Variants in ALMS1 observed in about 807,000 individuals in gnomAD.
The protein encoded by ALMS1 is ALMS1 centrosome and basal body associated protein, also known as centrosome-associated protein ALMS1.
A neutral mutation model predicts 352.2 loss-of-function variants in ALMS1; 271 were observed. The observed-to-expected ratio is 0.77, with a 90% CI of 0.70 to 0.85. The LOEUF is 0.85. ALMS1 is among the 40% of genes least tolerant of loss of function. The pLI, the probability that ALMS1 is intolerant of heterozygous loss-of-function variation, is 0.00. For synonymous variants in ALMS1, 1,865 were observed against 1,761.2 expected, an observed-to-expected ratio of 1.06 and a Z score of -1.48; for missense variants, 5,445 against 4,870.7, an observed-to-expected ratio of 1.12 and a Z score of -3.51.
chr2:73,533,702 A>G (rs945801963), intron 11 of ALMS1, among the ~76,000 whole-genome samples: 1 of 152,220 alleles, frequency 6.6e-6, no homozygotes, highest in Non-Finnish European at 1.5e-5. Flanking sequence ...CATGAAAGAA[A>G]AACTAGTATA....
chr2:73,390,129 G>C (rs1670613253), intron 1 of ALMS1, among the ~76,000 whole-genome samples: 1 of 151,900 alleles, frequency 6.6e-6, no homozygotes, highest in Non-Finnish European at 1.5e-5. Flanking sequence ...ATAATATATA[G>C]AATATATAGA....
chr2:73,391,294 C>CCTTTTTTTTT (rs1670639981), intron 1 of ALMS1, among the ~76,000 whole-genome samples: 1 of 114,990 alleles, frequency 8.7e-6, no homozygotes, highest in Non-Finnish European at 1.7e-5. Context: ...ACGTTTTATT[C>CCTTTTTTTTT]TTTTTTTTTT....
chr2:73,550,391 G>A lies in ALMS1; in HGVS notation c.10032G>A (p.Lys3344=). The A allele has an allele frequency of 6.2e-7, 1 of 1,614,182 alleles. No individual in the cohort carries two copies. The highest frequency in any genetic ancestry group is 8.5e-7 in the Non-Finnish European group (1 of 1,180,026). The part of the protein sequence containing the change: ...EGIYSKRVVT[K]ASLPVGEKPL... ...TCTACAGTAAGAGGGTAGTGACTAAGGCATCCTTGCCAGTGGGAGAAAAAC... is the reference window on the plus strand; with the variant it reads ...TCTACAGTAAGAGGGTAGTGACTAAAGCATCCTTGCCAGTGGGAGAAAAAC... Residue 3344 remains lysine (K), a synonymous_variant, in exon 13 of 23, where the codon AAG becomes AAA. Coordinates refer to ENST00000613296, the MANE Select transcript of ALMS1 (RefSeq NM_001378454.1).
chr2:73,407,528 G>A (rs1005726906), intron 1 of ALMS1, among the ~76,000 whole-genome samples: 1 of 152,080 alleles, frequency 6.6e-6, no homozygotes, highest in Non-Finnish European at 1.5e-5. Context: ...TTTTATATTT[G>A]TCCATATATT....
intron 7 of ALMS1, among the ~76,000 whole-genome samples, chr2:73,443,667 C>G (rs1415640137): frequency 6.6e-6 from 1 of 151,978 alleles, no homozygotes; most frequent in Admixed American, 6.6e-5. Context: ...ATTTTTGCAC[C>G]TGGCTGTGAA....
At position 73,539,141 on chromosome 2, in the gene ALMS1, G is replaced by A. The variant is rs185452101; in HGVS notation, c.9907+4192G>A. On this transcript the variant is annotated intron_variant, in intron 12 of 22. Transcript: ENST00000613296. ...TAACTGGGAGGCACCCCCCAGGAGG[G>A]GCAGACTGACACTTCACACGGCCGG... Among the ~76,000 whole-genome samples the A allele has an allele frequency of 3.5e-4, 53 of 152,284 alleles. No homozygotes were observed. The East Asian group carries it at 9.8e-3, about 28-fold the overall frequency.
chr2:73,415,729 T>G (rs1010305828), intron 2 of ALMS1, among the ~76,000 whole-genome samples: 2 of 152,166 alleles, frequency 1.3e-5, no homozygotes, highest in African/African-American at 4.8e-5. Flanking sequence ...GAGTGTGATT[T>G]CTCCAGCAAC....
chr2:73,536,903 A>G (rs1000558366), intron 12 of ALMS1, among the ~76,000 whole-genome samples: 7 of 152,238 alleles, frequency 4.6e-5, no homozygotes, highest in Non-Finnish European at 2.9e-5. Flanking sequence ...TTAGCATTTT[A>G]ACTTGCCCTA....
At chr2:73,487,237 A>G (rs570491372) in intron 9 of ALMS1, among the ~76,000 whole-genome samples, 1 of 152,316 alleles carries the variant, frequency 6.6e-6, no homozygotes, top group East Asian at 1.9e-4. Flanking sequence ...TACACCTGCC[A>G]AGCATGAGCC....
chr2:73,604,060 A>C (rs1451689510), intron 21 of ALMS1: 1 of 152,252 alleles, frequency 6.6e-6, no homozygotes, highest in African/African-American at 2.4e-5. Flanking sequence ...TGTGGTCTTT[A>C]AAAATAAGTA....
chr2:73,448,397 C>G lies in ALMS1; in HGVS notation c.1870C>G (p.His624Asp). The change falls in exon 8 of 23, where the codon CAT (histidine) becomes GAT (aspartate). Residue 624 changes from histidine to aspartate, a missense_variant. By Grantham distance (81) the His-to-Asp change is moderately conservative (BLOSUM62 -1). Coordinates refer to ENST00000613296, the MANE Select transcript of ALMS1 (RefSeq NM_001378454.1). Reference sequence around the variant, plus strand: ...AACTCTAACCTCTACTTCCTACTCACATAGAGAGAAGCCTGGTACTTTTTA... The same window carrying G: ...AACTCTAACCTCTACTTCCTACTCAGATAGAGAGAAGCCTGGTACTTTTTA... ...MSTLTSTSYS[H>D]REKPGTFYQQ... 1 of 1,614,068 alleles carries G rather than the reference C, an allele frequency of 6.2e-7. No individual in the cohort carries two copies. The highest frequency in any genetic ancestry group is 8.5e-7 in the Non-Finnish European group (1 of 1,179,936).
In ALMS1 at chr2:73,607,048, A is replaced by G. The variant is rs138690371; in HGVS notation, c.12363-1427A>G. Among the ~76,000 whole-genome samples the G allele has an allele frequency of 1.8e-3, 273 of 152,344 alleles. 3 individuals are homozygous for G. Among genetic ancestry groups the G allele is most frequent in the African/African-American group, 6.2e-3 (258 of 41,582 alleles). ...ATAGAAAACTTTAGGAAATATAGAG[A>G]AAAGTAGAAAAAAGAAAATGAATAT... On this transcript the variant is annotated intron_variant, in intron 21 of 22. Coordinates refer to ENST00000613296, the MANE Select transcript of ALMS1 (RefSeq NM_001378454.1).
At chr2:73,511,848 A>C (rs1572985674) in intron 10 of ALMS1, among the ~76,000 whole-genome samples, 1 of 152,182 alleles carries the variant, frequency 6.6e-6, no homozygotes, top group Admixed American at 6.5e-5. Flanking sequence ...TCCACAACAA[A>C]GAATTGTTTC....
intron 16 of ALMS1, among the ~76,000 whole-genome samples, chr2:73,583,894 T>G (rs963787497): frequency 3.9e-5 from 6 of 152,246 alleles, no homozygotes; most frequent in African/African-American, 1.4e-4. Context: ...TCTGGTAATA[T>G]GTTTTCAAAT....
chr2:73,416,198 C>G (rs1204421984), intron 2 of ALMS1, among the ~76,000 whole-genome samples: 2 of 152,134 alleles, frequency 1.3e-5, no homozygotes, highest in Non-Finnish European at 2.9e-5. Flanking sequence ...AACCTGTCCC[C>G]TATAGAAAGG....
intron 15 of ALMS1, among the ~76,000 whole-genome samples, chr2:73,568,835 A>C (rs9653557): frequency 0.3 from 45,990 of 151,694 alleles, 8,523 homozygotes; most frequent in African/African-American, 0.53. Flanking sequence ...AAATGTTATG[A>C]GTAAAATTAA....
chr2:73,452,199 C>T lies in ALMS1; in HGVS notation c.5672C>T (p.Ala1891Val). 5 of 1,613,934 alleles carry T rather than the reference C, an allele frequency of 3.1e-6. No individual in the cohort carries two copies. The highest frequency in any genetic ancestry group is 4.2e-6 in the Non-Finnish European group (5 of 1,179,964). ...PADQKTGIQIASSSSYSNREK... is the reference protein window; with the variant it reads ...PADQKTGIQIVSSSSYSNREK... Reference sequence around the variant, plus strand: ...GACCAGAAGACTGGGATACAAATAGCATCCTCTAGTTCCTACTCAAATAGA... The same window carrying T: ...GACCAGAAGACTGGGATACAAATAGTATCCTCTAGTTCCTACTCAAATAGA... Residue 1891 changes from alanine to valine, a missense_variant, in exon 8 of 23, where the codon GCA becomes GTA. Coordinates refer to ENST00000613296, the MANE Select transcript of ALMS1 (RefSeq NM_001378454.1).
At chr2:73,550,163 A>T in intron 12 of ALMS1, 104 bp from the exon 13 acceptor site, 1 of 1,224,698 alleles carries the variant, frequency 8.2e-7, no homozygotes, top group Non-Finnish European at 1.2e-6. Context: ...CCTGGCCTGT[A>T]GTGCTTTTTT....
At chr2:73,405,943 G>A (rs1670964488) in intron 1 of ALMS1, among the ~76,000 whole-genome samples, 1 of 152,200 alleles carries the variant, frequency 6.6e-6, no homozygotes, top group South Asian at 2.1e-4. Flanking sequence ...TGGCCAACAT[G>A]TGGTGTATCC....
Sources: gnomAD v4.1 joint callset for allele counts (sites outside exome capture counted in the v4.1 genomes callset) on GRCh38, gnomAD v4.1.1 for gene constraint, MANE v1.5 for transcripts, NCBI Gene and HGNC (gene_info 2026-07-23, HGNC 2026-07-21) for gene names.